Variants in ABLIM1 observed in about 807,000 individuals in gnomAD.
ABLIM1 encodes the protein actin binding LIM protein 1.
A neutral mutation model predicts 107.0 loss-of-function variants in ABLIM1; 40 were observed. That is an observed-to-expected ratio of 0.37 (90% CI 0.29 to 0.49). The LOEUF (loss-of-function observed/expected upper bound fraction) is 0.49, where lower values mean the gene tolerates loss of function less well. Among genes scored for constraint, ABLIM1 ranks in the 20% least tolerant of loss-of-function variants. The probability of loss-of-function intolerance (pLI) is 0.97; values close to 1 mark genes in which losing one functional copy is unlikely to be tolerated. For missense variants in ABLIM1, 857 were observed against 1,008.5 expected (o/e 0.85, Z 2.04); for synonymous variants, 357 against 357.3 (o/e 1.00, Z 0.01).
intron 12 of ABLIM1, among the ~76,000 whole-genome samples, chr10:114,464,440 C>T (rs2064696307): frequency 6.6e-6 from 1 of 152,160 alleles, no homozygotes. Flanking sequence ...CCTGCCTCAG[C>T]CTCCTAAAGT....
chr10:114,632,794 C>A, intron 1 of ABLIM1: 1 of 985,280 alleles, frequency 1.0e-6, no homozygotes. Flanking sequence ...GTGCATATAC[C>A]AGGGAGGAAC....
chr10:114,666,183 CA>C (rs2080018342), intron 1 of ABLIM1, among the ~76,000 whole-genome samples: 1 of 152,048 alleles, frequency 6.6e-6, no homozygotes, highest in South Asian at 2.1e-4. Context: ...TATTGGCTGC[CA>C]AGACAGGGTA....
In ABLIM1 at chr10:114,552,716, G is replaced by C. The variant is rs899837990; in HGVS notation, c.674-4940C>G. On this transcript the variant is annotated intron_variant, in intron 4 of 22. Transcript: ENST00000533213. ...CTGTCACTCTTAATATATTTTATTT[G>C]TTTATTTATATATTTTAGCATAGGG... is the stretch of plus-strand genomic sequence containing the variant. Among the ~76,000 whole-genome samples, 12 of 152,118 alleles carry C rather than the reference G, an allele frequency of 7.9e-5. No individual in the cohort carries two copies. The East Asian group carries it at 2.3e-3, about 29-fold the overall frequency.
At chr10:114,507,793 T>C (rs1053345225) in intron 6 of ABLIM1, among the ~76,000 whole-genome samples, 1 of 152,114 alleles carries the variant, frequency 6.6e-6, no homozygotes, top group African/African-American at 2.4e-5. Context: ...CTGTGTACAG[T>C]CACATGGCTG....
At chr10:114,484,429 C>A (rs2057874995) in intron 8 of ABLIM1, among the ~76,000 whole-genome samples, 1 of 152,134 alleles carries the variant, frequency 6.6e-6, no homozygotes, top group Admixed American at 6.6e-5. Flanking sequence ...GTCATCCCGG[C>A]TGGAGTGCAG....
Position 114,570,852 on chromosome 10 carries a change from C to T in ABLIM1, c.673+445G>A, listed in dbSNP as rs949448618. Among the ~76,000 whole-genome samples the T allele has an allele frequency of 6.6e-5, 10 of 152,126 alleles. No individual in the cohort carries two copies. In the East Asian group the frequency reaches 1.2e-3, roughly 18 times the overall value. ...TTAAATGAGGCTCAAGCAATCCTCC[C>T]GCCTCAGCCTCCCAAAGTGCTGGGA... is the stretch of plus-strand genomic sequence containing the variant. On this transcript the variant is annotated intron_variant, in intron 4 of 22. Transcript: ENST00000533213.
intron 8 of ABLIM1, among the ~76,000 whole-genome samples, chr10:114,476,688 AT>A (rs1355209369): frequency 1.6e-5 from 2 of 122,916 alleles, no homozygotes; most frequent in South Asian, 2.4e-4. Context: ...ATAAAGTGCA[AT>A]TTCTAGATCC....
Position 114,442,508 on chromosome 10 carries a change from T to C in ABLIM1, c.1934-722A>G, listed in dbSNP as rs148606727. Reference sequence around the variant, plus strand: ...GCAGGTACAATGTTATACATTCTTATAGAGCAGAATCTCAGAATTCCAAGG... The same window carrying C: ...GCAGGTACAATGTTATACATTCTTACAGAGCAGAATCTCAGAATTCCAAGG... On this transcript the variant is annotated intron_variant, in intron 17 of 22. Transcript: ENST00000533213. 8.2e-4 allele frequency among the ~76,000 whole-genome samples: 125 copies of C among 152,354 alleles called. 1 individual carries two copies. The highest frequency in any genetic ancestry group is 4.6e-4 in the Non-Finnish European group (31 of 68,034).
chr10:114,651,379 G>A lies in ABLIM1; in HGVS notation c.244+6578C>T, dbSNP rs1043127244. 3.9e-5 allele frequency among the ~76,000 whole-genome samples: 6 copies of A among 152,228 alleles called. No homozygotes were observed. The East Asian group carries it at 5.8e-4, about 15-fold the overall frequency. On this transcript the variant is annotated intron_variant, in intron 1 of 22. Coordinates refer to ENST00000533213, the MANE Select transcript of ABLIM1 (RefSeq NM_002313.7). Reference sequence around the variant, plus strand: ...ATGCTATGAAAACACAGAGGAGGACGAGGCAAGAGGTAAGATCAGGCCGGC... The same window carrying A: ...ATGCTATGAAAACACAGAGGAGGACAAGGCAAGAGGTAAGATCAGGCCGGC...
At chr10:114,514,774 A>G (rs2062544975) in intron 6 of ABLIM1, among the ~76,000 whole-genome samples, 1 of 152,222 alleles carries the variant, frequency 6.6e-6, no homozygotes, top group South Asian at 2.1e-4. Flanking sequence ...CAGGCCTCCC[A>G]CAGGCCATTT....
intron 12 of ABLIM1, chr10:114,463,012 C>A: frequency 7.6e-7 from 1 of 1,310,674 alleles, no homozygotes; most frequent in East Asian, 5.2e-5. Context: ...CTCCACTATG[C>A]AGGGTGCTGC....
At chr10:114,757,200 T>C (rs2082649074) in intron 1 of ABLIM1, among the ~76,000 whole-genome samples, 1 of 152,164 alleles carries the variant, frequency 6.6e-6, no homozygotes, top group East Asian at 1.9e-4. Flanking sequence ...ATAGATAGAT[T>C]CTTTTCCTGG....
intron 6 of ABLIM1, among the ~76,000 whole-genome samples, chr10:114,539,913 G>A (rs1281062801): frequency 6.6e-6 from 1 of 152,106 alleles, no homozygotes; most frequent in East Asian, 1.9e-4. Flanking sequence ...AGAAGGAAGC[G>A]GGAGAAGTTT....
At chr10:114,711,706 C>T (rs564294798) in intron 1 of ABLIM1, among the ~76,000 whole-genome samples, 13 of 152,076 alleles carry the variant, frequency 8.5e-5, no homozygotes, top group African/African-American at 2.7e-4. Context: ...GGGGTGGAGT[C>T]GATGCTAGAA....
At chr10:114,791,512 C>T in the ABLIM1 span, among the ~76,000 whole-genome samples, 4 of 152,156 alleles carry the variant, frequency 2.6e-5, no homozygotes, top group East Asian at 1.9e-4. Flanking sequence ...GTGGTGGACG[C>T]CTGTAGTCCC....
chr10:114,776,806 C>G, the ABLIM1 span, among the ~76,000 whole-genome samples: 27 of 152,142 alleles, frequency 1.8e-4, no homozygotes, highest in Non-Finnish European at 4.4e-5. Flanking sequence ...CCTGTAGAGG[C>G]AGGGTCCAAC....
chr10:114,614,286 T>A (rs993474773), intron 1 of ABLIM1, among the ~76,000 whole-genome samples: 2 of 152,018 alleles, frequency 1.3e-5, no homozygotes, highest in Non-Finnish European at 1.5e-5. Context: ...ACCCAGTCTC[T>A]ACTAAAAATA....
intron 8 of ABLIM1, among the ~76,000 whole-genome samples, chr10:114,480,829 A>C (rs945299857): frequency 1.3e-5 from 2 of 152,182 alleles, no homozygotes; most frequent in East Asian, 3.9e-4. Flanking sequence ...TGATTTCAAC[A>C]ACGATTTTTA....
At chr10:114,547,927 A>C in intron 4 of ABLIM1, 151 bp from the exon 5 acceptor site, 1 of 1,141,242 alleles carries the variant, frequency 8.8e-7, no homozygotes. Context: ...CCTGCACAAA[A>C]TCTTTCTTGG....
Sources: allele counts gnomAD v4.1 joint callset (sites outside exome capture counted in the v4.1 genomes callset), GRCh38; gene constraint gnomAD v4.1.1; transcripts MANE v1.5; gene names NCBI Gene and HGNC (gene_info 2026-07-23, HGNC 2026-07-21).